INTS15: variants seen among roughly 807,000 people sequenced by gnomAD.
INTS15 encodes uncharacterized protein C7orf26.
the INTS15 span, among the ~76,000 whole-genome samples, chr7:6,600,590 G>A: frequency 1.3e-5 from 2 of 152,114 alleles, no homozygotes; most frequent in Admixed American, 1.3e-4. Context: ...CCCAGGACTG[G>A]GGACTCCTTG....
the INTS15 span, among the ~76,000 whole-genome samples, chr7:6,606,554 G>A: frequency 2.6e-5 from 4 of 152,160 alleles, no homozygotes. Context: ...GGACCCAGCC[G>A]GAGCAAGATC....
the INTS15 span, among the ~76,000 whole-genome samples, chr7:6,606,713 C>CT: frequency 2.4e-5 from 2 of 83,082 alleles, no homozygotes; most frequent in Non-Finnish European, 5.3e-5. Flanking sequence ...TTTTTTTTTT[C>CT]TTTGAGACAG....
At chr7:6,591,926 C>G in the INTS15 span, 7 of 1,512,788 alleles carry the variant, frequency 4.6e-6, no homozygotes, top group South Asian at 3.4e-5. Flanking sequence ...AATCCCAGCA[C>G]TTTGGGAAGC....
the INTS15 span, chr7:6,600,176 C>G: frequency 3.1e-6 from 5 of 1,614,126 alleles, no homozygotes; most frequent in African/African-American, 6.7e-5. Context: ...CGAGAAGAAT[C>G]TGTATGGGCG....
chr7:6,599,033 C>T, the INTS15 span, among the ~76,000 whole-genome samples: 2 of 152,122 alleles, frequency 1.3e-5, no homozygotes, highest in East Asian at 3.9e-4. Flanking sequence ...AGTGATCCTC[C>T]CACCTTGGCC....
chr7:6,597,148 C>T, the INTS15 span, among the ~76,000 whole-genome samples: 1 of 152,178 alleles, frequency 6.6e-6, no homozygotes, highest in Admixed American at 6.6e-5. Context: ...TGTTGGGGAG[C>T]AGGGCCACGC....
the INTS15 span, among the ~76,000 whole-genome samples, chr7:6,596,710 C>T: frequency 1.3e-5 from 2 of 151,560 alleles, no homozygotes; most frequent in Non-Finnish European, 2.9e-5. Flanking sequence ...TTTTGTAACT[C>T]TCTTGAGAAA....
the INTS15 span, chr7:6,590,321 C>T: frequency 4.7e-5 from 74 of 1,591,140 alleles, no homozygotes; most frequent in Non-Finnish European, 2.6e-6. Context: ...CGCCGCGATG[C>T]GCTGAGCGCC....
At chr7:6,607,631 T>A in the INTS15 span, 1 of 1,459,290 alleles carries the variant, frequency 6.9e-7, no homozygotes, top group Non-Finnish European at 9.2e-7. This position sits in a 1 kb window ranked among gnomAD's most constrained non-coding sequence, Gnocchi z 6.0. Flanking sequence ...CTGAGGAGAC[T>A]GTGGCCAGCT....
the INTS15 span, among the ~76,000 whole-genome samples, chr7:6,604,897 C>T: frequency 3.7e-4 from 57 of 152,208 alleles, no homozygotes; most frequent in African/African-American, 1.2e-3. Flanking sequence ...GACTGTCCTG[C>T]GTGAGGTGTC....
chr7:6,592,308 G>T, the INTS15 span, among the ~76,000 whole-genome samples: 1 of 151,996 alleles, frequency 6.6e-6, no homozygotes, highest in African/African-American at 2.4e-5. Context: ...GTTCACTCCT[G>T]TAATCCCAGC....
chr7:6,608,108 C>T, the INTS15 span: 538 of 1,535,868 alleles, frequency 3.5e-4, 2 homozygotes, highest in African/African-American at 6.3e-3. Flanking sequence ...GCCCACGCAT[C>T]CCGGCCACAC....
the INTS15 span, chr7:6,590,451 C>T: frequency 3.8e-6 from 6 of 1,596,062 alleles, no homozygotes; most frequent in Non-Finnish European, 5.1e-6. Context: ...TCCAGGTGCC[C>T]AAGGAGCGCA....
At chr7:6,595,048 T>C in the INTS15 span, among the ~76,000 whole-genome samples, 3 of 151,982 alleles carry the variant, frequency 2.0e-5, no homozygotes, top group Non-Finnish European at 4.4e-5. Context: ...TTTTTATTTT[T>C]TGAGACAGGG....
the INTS15 span, among the ~76,000 whole-genome samples, chr7:6,607,046 G>A: frequency 2.6e-5 from 4 of 152,016 alleles, no homozygotes; most frequent in Non-Finnish European, 5.9e-5. This position sits in a 1 kb window ranked among gnomAD's most constrained non-coding sequence, Gnocchi z 6.0. Context: ...GGTCGTTTCC[G>A]GCTGACACAG....
the INTS15 span, among the ~76,000 whole-genome samples, chr7:6,593,735 A>C: frequency 2.1e-4 from 31 of 145,306 alleles, no homozygotes; most frequent in East Asian, 5.6e-3. Flanking sequence ...TGCAGACTCA[A>C]CCTTCCTAGG....
chr7:6,594,997 G>A, the INTS15 span, among the ~76,000 whole-genome samples: 2 of 152,004 alleles, frequency 1.3e-5, no homozygotes, highest in African/African-American at 2.4e-5. Context: ...CAAACTGCTA[G>A]GATTATAGGT....
At chr7:6,594,345 A>G in the INTS15 span, 70 of 1,352,682 alleles carry the variant, frequency 5.2e-5, no homozygotes, top group South Asian at 4.7e-4. Context: ...TGGTTCTGCC[A>G]TTTCTGGAGG....
chr7:6,598,050 C>G, the INTS15 span, among the ~76,000 whole-genome samples: 1 of 152,182 alleles, frequency 6.6e-6, no homozygotes, highest in African/African-American at 2.4e-5. Flanking sequence ...CACAAGTGTG[C>G]ACACGCACAC....
Sources: allele counts gnomAD v4.1 joint callset (sites outside exome capture counted in the v4.1 genomes callset), GRCh38; gene constraint gnomAD v4.1.1; non-coding constraint Gnocchi (gnomAD v3.1); transcripts MANE v1.5; gene names NCBI Gene and HGNC (gene_info 2026-07-23, HGNC 2026-07-21).